ARHGEF12: variants seen among roughly 807,000 people sequenced by gnomAD.
ARHGEF12 encodes Rho guanine nucleotide exchange factor 12.
Under a neutral mutation model 211.2 loss-of-function variants are expected in ARHGEF12, and 66 were observed. The observed-to-expected ratio is 0.31, with a 90% CI of 0.26 to 0.38. ARHGEF12 has a LOEUF of 0.38. Among genes scored for constraint, ARHGEF12 ranks in the 10% least tolerant of loss-of-function variants. The pLI, the probability that ARHGEF12 is intolerant of heterozygous loss-of-function variation, is 1.00. For missense variants in ARHGEF12, 1,429 were observed against 1,869.5 expected, an observed-to-expected ratio of 0.76 and a Z score of 4.34; for synonymous variants, 592 against 638.4, an observed-to-expected ratio of 0.93 and a Z score of 1.09.
At chr11:120,459,476 C>G in intron 26 of ARHGEF12, 156 bp downstream of exon 26, 1 of 788,818 alleles carries the variant, frequency 1.3e-6, no homozygotes, top group Non-Finnish European at 1.9e-6. Context: ...TGACTAGATC[C>G]TTTTCCTCAC....
chr11:120,419,154 G>T (rs2135658516), intron 4 of ARHGEF12, among the ~76,000 whole-genome samples: 1 of 151,834 alleles, frequency 6.6e-6, no homozygotes, highest in African/African-American at 2.4e-5. Context: ...TAGAGACAGG[G>T]TTTCACTGTG....
intron 18 of ARHGEF12, among the ~76,000 whole-genome samples, chr11:120,447,643 C>T (rs1469347551): frequency 1.3e-5 from 2 of 151,776 alleles, no homozygotes; most frequent in African/African-American, 4.8e-5. Context: ...CATGGTGAAA[C>T]CCCATCTCTA....
chr11:120,393,888 A>C (rs949601697), intron 1 of ARHGEF12, among the ~76,000 whole-genome samples: 1 of 151,970 alleles, frequency 6.6e-6, no homozygotes, highest in African/African-American at 2.4e-5. Context: ...GCAAGCAGAC[A>C]TGGGACATTT....
intron 1 of ARHGEF12, among the ~76,000 whole-genome samples, chr11:120,359,794 A>G (rs1188035601): frequency 2.0e-5 from 3 of 152,246 alleles, no homozygotes; most frequent in Non-Finnish European, 4.4e-5. Flanking sequence ...AGGAACAGCT[A>G]CAGGGGAGTA....
chr11:120,451,470 C>T (rs371522139), intron 21 of ARHGEF12, 42 bp from the exon 22 acceptor site: 37 of 1,598,584 alleles, frequency 2.3e-5, no homozygotes, highest in African/African-American at 1.6e-4. Context: ...AGCCACCGCA[C>T]CCAGCCGCAA....
chr11:120,349,068 T>C (rs562711475), intron 1 of ARHGEF12, among the ~76,000 whole-genome samples: 16 of 152,312 alleles, frequency 1.1e-4, no homozygotes, highest in Middle Eastern at 6.8e-3. Flanking sequence ...TACTTGTACC[T>C]TGGTTGTATT....
chr11:120,336,662 AGCACC>A lies in ARHGEF12; in HGVS notation c.-580_-576del, dbSNP rs1942359922. Among the ~76,000 whole-genome samples the A allele has an allele frequency of 6.6e-6, 1 of 151,814 alleles. No individual in the cohort carries two copies. The highest frequency in any genetic ancestry group is 2.1e-4 in the South Asian group (1 of 4,814). On this transcript the variant is annotated 5_prime_UTR_variant, in exon 1 of 41. Transcript: ENST00000397843. Reference sequence around the variant, plus strand: ...TCCGCCGGCGCCAGCGGCTCGTCCCAGCACCGGGAGCCTGGTGAGGGCGGCGAGCA... The same window carrying A: ...TCCGCCGGCGCCAGCGGCTCGTCCCAGGGAGCCTGGTGAGGGCGGCGAGCA...
intron 29 of ARHGEF12, 97 bp downstream of exon 29, chr11:120,467,405 G>T: frequency 8.2e-6 from 5 of 606,526 alleles, no homozygotes; most frequent in South Asian, 2.8e-5. Flanking sequence ...GAATGGAGTT[G>T]GATTTCCAAA....
At chr11:120,478,449 C>A in intron 37 of ARHGEF12, 60 bp downstream of exon 37, 1 of 1,417,246 alleles carries the variant, frequency 7.1e-7, no homozygotes, top group Non-Finnish European at 9.9e-7. Context: ...ATGTGCCATC[C>A]CTAAAGTATG....
chr11:120,474,004 C>T (rs1946953844), intron 31 of ARHGEF12, among the ~76,000 whole-genome samples: 1 of 152,152 alleles, frequency 6.6e-6, no homozygotes, highest in Non-Finnish European at 1.5e-5. Context: ...CGTAAATGTG[C>T]TTATTCCCCT....
At chr11:120,425,440 G>T (rs1346711126) in intron 7 of ARHGEF12, among the ~76,000 whole-genome samples, 3 of 150,780 alleles carry the variant, frequency 2.0e-5, no homozygotes, top group Non-Finnish European at 4.4e-5. Context: ...GGGTTCAAGT[G>T]ATCCTCCCAC....
At chr11:120,482,320 A>C (rs1947269521) in intron 39 of ARHGEF12, among the ~76,000 whole-genome samples, 1 of 152,224 alleles carries the variant, frequency 6.6e-6, no homozygotes, top group Non-Finnish European at 1.5e-5. Flanking sequence ...TGACAGATAG[A>C]AATTGGCTTC....
rs1321117250 is a variant in ARHGEF12 at position 120,465,196 on chromosome 11, G to A, written c.2614-41G>A. 1.9e-6 allele frequency: 3 copies of A among 1,611,318 alleles called. No homozygotes were observed. In the African/African-American group the frequency reaches 4.0e-5, roughly 22 times the overall value. On this transcript the variant is annotated intron_variant, in intron 27 of 40. Transcript: ENST00000397843. Reference sequence around the variant, plus strand: ...ACTTTGTCTGGCTTGTATAAGCTCAGTTTCCCATTCTCTTTTGTGTTCTTT... The same window carrying A: ...ACTTTGTCTGGCTTGTATAAGCTCAATTTCCCATTCTCTTTTGTGTTCTTT...
Position 120,470,672 on chromosome 11 carries a change from G to C in ARHGEF12, c.2955+1284G>C, listed in dbSNP as rs953797387. 2.6e-5 allele frequency among the ~76,000 whole-genome samples: 4 copies of C among 152,314 alleles called. No individual in the cohort carries two copies. In the South Asian group the frequency reaches 8.3e-4, roughly 32 times the overall value. ...TCTTGGTGAGGCTGTAGAAAAACTA[G>C]TACTTTCAGCTGTGCTGTTCAGAGT... On this transcript the variant is annotated intron_variant, in intron 30 of 40. Transcript: ENST00000397843.
chr11:120,402,258 A>G (rs963919770), intron 1 of ARHGEF12, among the ~76,000 whole-genome samples: 2 of 152,054 alleles, frequency 1.3e-5, no homozygotes, highest in South Asian at 4.2e-4. Flanking sequence ...TCCATTTCTG[A>G]TTTTCAATAG....
At chr11:120,479,222 T>C (rs1347008794) in intron 37 of ARHGEF12, among the ~76,000 whole-genome samples, 2 of 152,152 alleles carry the variant, frequency 1.3e-5, no homozygotes, top group South Asian at 2.1e-4. Flanking sequence ...CAGGAAGTGA[T>C]TGTAGAGCAG....
intron 1 of ARHGEF12, among the ~76,000 whole-genome samples, chr11:120,377,111 A>G (rs1375263720): frequency 6.6e-6 from 1 of 152,206 alleles, no homozygotes; most frequent in East Asian, 1.9e-4. Context: ...ATAGGAGTGC[A>G]GGCCTCTTTG....
Position 120,486,463 on chromosome 11 carries a change from C to A in ARHGEF12, c.*1386C>A, listed in dbSNP as rs1216713134. The A allele has an allele frequency of 8.7e-6, 2 of 230,840 alleles. No homozygotes were observed. The highest frequency in any genetic ancestry group is 1.2e-4 in the East Asian group (2 of 16,306). The allele number at this position is 230,840 out of a possible 1,614,324, so 14.3% of individuals were successfully genotyped here. On this transcript the variant is annotated 3_prime_UTR_variant, in exon 41 of 41. Coordinates refer to ENST00000397843, the MANE Select transcript of ARHGEF12 (RefSeq NM_015313.3). ...CTGCCTGCTCTAGGATGAATAGTAG[C>A]GTTAGCAGCACCCTACAGAGGGTAA...
Position 120,336,887 on chromosome 11 carries a change from C to G in ARHGEF12, c.-357C>G. ...GGAGGAGCCGACACCCGTCCGTGAGCTGATCCCGCCCCAGCCCCGGCGGGA... is the reference window on the plus strand; with the variant it reads ...GGAGGAGCCGACACCCGTCCGTGAGGTGATCCCGCCCCAGCCCCGGCGGGA... On this transcript the variant is annotated 5_prime_UTR_variant, in exon 1 of 41. Coordinates refer to ENST00000397843, the MANE Select transcript of ARHGEF12 (RefSeq NM_015313.3). 2.4e-6 allele frequency: 1 copy of G among 416,326 alleles called. No homozygotes were observed. Among genetic ancestry groups the G allele is most frequent in the Non-Finnish European group, 4.2e-6 (1 of 236,686 alleles). 25.8% of individuals were successfully genotyped at this position (416,326 alleles called of 1,614,324 possible).
Sources: gnomAD v4.1 joint callset for allele counts (sites outside exome capture counted in the v4.1 genomes callset) on GRCh38, gnomAD v4.1.1 for gene constraint, MANE v1.5 for transcripts, NCBI Gene and HGNC (gene_info 2026-07-23, HGNC 2026-07-21) for gene names.